Variants in WEE1 observed in about 807,000 individuals in gnomAD.
WEE1 encodes the protein wee1-like protein kinase.
WEE1 carries 16 observed loss-of-function variants against 68.8 expected under a neutral mutation model. The observed-to-expected ratio is 0.23, with a 90% CI of 0.16 to 0.35. WEE1 has a LOEUF of 0.35. Among genes scored for constraint, WEE1 ranks in the 10% least tolerant of loss-of-function variants. The pLI, the probability that WEE1 is intolerant of heterozygous loss-of-function variation, is 1.00. For synonymous variants in WEE1, 349 were observed against 318.7 expected, an observed-to-expected ratio of 1.09 and a Z score of -1.01; for missense variants, 651 against 824.1, an observed-to-expected ratio of 0.79 and a Z score of 2.57.
At position 9,575,991 on chromosome 11, in the gene WEE1, T is replaced by G; in HGVS notation, c.680T>G (p.Val227Gly). ...TEKSGKREFD[V>G]RQTPQVNINP... ...AAATCAGGAAAAAGGGAATTTGATG[T>G]GCGACAGACTCCTCAAGTGAATATT... is the stretch of plus-strand genomic sequence containing the variant. The change falls in exon 2 of 11, where the codon GTG becomes GGG. Residue 227 changes from valine (V) to glycine (G), a missense_variant. By Grantham distance (109) the Val-to-Gly change is moderately radical. Around this residue, in one of 5 missense-constraint regions of WEE1, gnomAD observed 395 missense variants for 378.4 expected, o/e 1.04. Transcript: ENST00000450114. 6.2e-7 allele frequency: 1 copy of G among 1,614,154 alleles called. No homozygotes were observed. Among genetic ancestry groups the G allele is most frequent in the Non-Finnish European group, 8.5e-7 (1 of 1,179,984 alleles).
In WEE1 at chr11:9,574,021, T is replaced by C; in HGVS notation, c.88T>C (p.Cys30Arg). The change falls in exon 1 of 11, where the codon TGC becomes CGC. Residue 30 changes from cysteine (C) to arginine (R), a missense_variant. Cys to Arg is a radical substitution (Grantham distance 180). Around this residue, in one of 5 missense-constraint regions of WEE1, gnomAD observed 395 missense variants for 378.4 expected, o/e 1.04. Coordinates refer to ENST00000450114, the MANE Select transcript of WEE1 (RefSeq NM_003390.4). This position sits in a 1 kb window ranked among gnomAD's most constrained non-coding sequence, Gnocchi z 4.9. ...GCGGCAGAAGCTGATCTTCTCGCCCTGCAGCGACTGTGAGGAGGAGGAAGA... is the reference window on the plus strand; with the variant it reads ...GCGGCAGAAGCTGATCTTCTCGCCCCGCAGCGACTGTGAGGAGGAGGAAGA... ...TLRQKLIFSP[C>R]SDCEEEEEEE... is the part of the protein sequence containing the mutation. 1 of 1,274,304 alleles carries C rather than the reference T, an allele frequency of 7.8e-7. No homozygotes were observed. The highest frequency in any genetic ancestry group is 9.9e-7 in the Non-Finnish European group (1 of 1,009,594). 78.9% of individuals were successfully genotyped at this position (1,274,304 alleles called of 1,614,324 possible). A position where few individuals can be genotyped will look rare whatever the true frequency, so the allele number is the denominator to read the frequency against.
Position 9,581,457 on chromosome 11 carries a change from G to C in WEE1, c.1142-75G>C, listed in dbSNP as rs1159589426. On this transcript the variant is annotated intron_variant, in intron 5 of 10. Coordinates refer to ENST00000450114, the MANE Select transcript of WEE1 (RefSeq NM_003390.4). ...TTCTTGGTTGAGATTGGTTGGTTGA[G>C]ACTCATTTGGTAAAGATGGAAGAAA... 2.1e-5 allele frequency: 29 copies of C among 1,413,650 alleles called. No homozygotes were observed. The East Asian group carries it at 6.8e-4, about 33-fold the overall frequency. 87.6% of individuals were successfully genotyped at this position (1,413,650 alleles called of 1,614,324 possible). A position where few individuals can be genotyped will look rare whatever the true frequency, so the allele number is the denominator to read the frequency against.
intron 10 of WEE1, 76 bp downstream of exon 10, chr11:9,586,932 A>T: frequency 1.4e-6 from 2 of 1,463,702 alleles, no homozygotes; most frequent in Non-Finnish European, 1.8e-6. Context: ...AGATGATTTA[A>T]GCTTTCTGTC....
At chr11:9,586,294 T>C (rs529034907) in intron 8 of WEE1, among the ~76,000 whole-genome samples, 155 bp from the exon 9 acceptor site, 1 of 152,236 alleles carries the variant, frequency 6.6e-6, no homozygotes. Flanking sequence ...CATCCTCAAA[T>C]TTAGCAGTTT....
At position 9,589,067 on chromosome 11, in the gene WEE1, T is replaced by A. The variant is rs2134361035; in HGVS notation, c.*465T>A. 1 of 985,844 alleles carries A rather than the reference T, an allele frequency of 1.0e-6. No homozygotes were observed. Among genetic ancestry groups the A allele is most frequent in the East Asian group, 1.1e-4 (1 of 8,810 alleles). The allele number at this position is 985,844 out of a possible 1,614,324, so 61.1% of individuals were successfully genotyped here. On this transcript the variant is annotated 3_prime_UTR_variant, in exon 11 of 11. Transcript: ENST00000450114. The stretch of plus-strand genomic sequence containing the variant: ...TTTTTTTAATTGTGAATTAGACTTG[T>A]ATATCCCACTGGGAGCACTTTGTAG...
chr11:9,586,594 CCCA>C lies in WEE1; in HGVS notation c.1617_1619del (p.Gln540del). 6.2e-7 allele frequency: 1 copy of C among 1,614,084 alleles called. No homozygotes were observed. The highest frequency in any genetic ancestry group is 8.5e-7 in the Non-Finnish European group (1 of 1,180,020). On this transcript the variant is annotated inframe_deletion, in exon 9 of 11. Coordinates refer to ENST00000450114, the MANE Select transcript of WEE1 (RefSeq NM_003390.4). ...TTACCTCGGATACCACAAGTGCTTT[CCCA>C]AGAATTTACAGAGTTGCTAAAAGTG... is the stretch of plus-strand genomic sequence containing the variant.
chr11:9,585,363 G>A lies in WEE1; in HGVS notation c.1384+10G>A, dbSNP rs760217387. On this transcript the variant is annotated intron_variant, in intron 7 of 10. Transcript: ENST00000450114. ...GTTATGTTTAAAATAGGTAAGAAAG[G>A]TAATCAGATTATTACCTTCAGATAA... is the stretch of plus-strand genomic sequence containing the variant. 22 of 1,612,542 alleles carry A rather than the reference G, an allele frequency of 1.4e-5. No individual in the cohort carries two copies. The highest frequency in any genetic ancestry group is 1.8e-5 in the Non-Finnish European group (21 of 1,179,044).
At chr11:9,578,075 T>G in intron 5 of WEE1, 1 of 347,910 alleles carries the variant, frequency 2.9e-6, no homozygotes, top group Non-Finnish European at 5.6e-6. Context: ...CATACTCAAG[T>G]GTGAAATGTG....
chr11:9,577,004 C>T lies in WEE1; in HGVS notation c.1020-138C>T, dbSNP rs963099365. 5.6e-6 allele frequency: 5 copies of T among 887,766 alleles called. No homozygotes were observed. In the African/African-American group the frequency reaches 6.9e-5, roughly 12 times the overall value. 55.0% of individuals were successfully genotyped at this position (887,766 alleles called of 1,614,324 possible). On this transcript the variant is annotated intron_variant, in intron 4 of 10. Coordinates refer to ENST00000450114, the MANE Select transcript of WEE1 (RefSeq NM_003390.4). ...GAAAAATCTCTTACAAGTCTAAACCCCTTCTCTCTTAAGCAAGTTGCTTTT... is the reference window on the plus strand; with the variant it reads ...GAAAAATCTCTTACAAGTCTAAACCTCTTCTCTCTTAAGCAAGTTGCTTTT...
rs970339281 is a variant in WEE1, at chr11:9,574,156, C to T, written c.223C>T (p.Arg75Cys). The change falls in exon 1 of 11, where the codon CGC becomes TGC. Residue 75 changes from arginine (R) to cysteine (C), a missense_variant. This residue lies in a region of WEE1 where 395 missense variants were observed against 378.4 expected (regional missense o/e 1.04). Coordinates refer to ENST00000450114, the MANE Select transcript of WEE1 (RefSeq NM_003390.4). This position sits in a 1 kb window ranked among gnomAD's most constrained non-coding sequence, Gnocchi z 4.9. ...GAGCCCCACGGAGCCCGGGCCCGAG[C>T]GCCGCCGCTCGCCCGGGCCGGCCCC... ...ARSPTEPGPE[R>C]RRSPGPAPGS... 5.9e-6 allele frequency: 7 copies of T among 1,187,922 alleles called. No homozygotes were observed. Among genetic ancestry groups the T allele is most frequent in the Non-Finnish European group, 7.3e-6 (7 of 960,768 alleles). 73.6% of individuals were successfully genotyped at this position (1,187,922 alleles called of 1,614,324 possible). A position where few individuals can be genotyped will look rare whatever the true frequency, so the allele number is the denominator to read the frequency against.
At chr11:9,583,802 C>CATAT (rs371859938) in intron 6 of WEE1, among the ~76,000 whole-genome samples, 85 of 17,576 alleles carry the variant, frequency 4.8e-3, no homozygotes, top group African/African-American at 5.8e-3. Context: ...CACACACACA[C>CATAT]ATATATATAT....
intron 10 of WEE1, among the ~76,000 whole-genome samples, chr11:9,587,798 A>G (rs1415861802): frequency 6.6e-6 from 1 of 152,148 alleles, no homozygotes; most frequent in Non-Finnish European, 1.5e-5. Context: ...GTTAACAATT[A>G]ATATTAACAT....
intron 6 of WEE1, among the ~76,000 whole-genome samples, chr11:9,583,253 C>T (rs1420976835): frequency 7.0e-6 from 1 of 143,820 alleles, no homozygotes; most frequent in Non-Finnish European, 1.5e-5. Flanking sequence ...GCGGAGGTTG[C>T]AGTGAGCCGA....
Position 9,574,369 on chromosome 11 carries a change from C to T in WEE1, c.436C>T (p.Pro146Ser). Residue 146 changes from proline to serine, a missense_variant, in exon 1 of 11, where the codon CCA (proline) becomes TCA (serine). Pro to Ser is a moderately conservative substitution (Grantham distance 74, BLOSUM62 -1). Transcript: ENST00000450114. This position sits in a 1 kb window ranked among gnomAD's most constrained non-coding sequence, Gnocchi z 4.9. ...SSFSPVRCGGPGDASPRGCGA... is the reference protein window; with the variant it reads ...SSFSPVRCGGSGDASPRGCGA... The stretch of plus-strand genomic sequence containing the variant: ...TTTCTCGCCGGTGCGCTGCGGCGGC[C>T]CAGGAGATGCGTCGCCGCGGGGTTG... 1.6e-6 allele frequency: 2 copies of T among 1,230,024 alleles called. No individual in the cohort carries two copies. 76.2% of individuals were successfully genotyped at this position (1,230,024 alleles called of 1,614,324 possible).
chr11:9,587,184 C>A (rs1022489609), intron 10 of WEE1, among the ~76,000 whole-genome samples: 4 of 152,194 alleles, frequency 2.6e-5, no homozygotes, highest in African/African-American at 9.7e-5. Flanking sequence ...TGGTCTTGAA[C>A]TCCTGGGCTC....
Position 9,588,595 on chromosome 11 carries a change from T to A in WEE1, c.1934T>A (p.Ile645Lys). ...KKMNRSVSLT[I>K]Y is the part of the protein sequence containing the mutation. Reference sequence around the variant, plus strand: ...ATGAACCGCTCTGTCAGCCTTACTATATACTGAGCTACTCCTTTCCCACCT... The same window carrying A: ...ATGAACCGCTCTGTCAGCCTTACTAAATACTGAGCTACTCCTTTCCCACCT... Residue 645 changes from isoleucine to lysine, a missense_variant, in exon 11 of 11, where the codon ATA becomes AAA. Ile to Lys is a moderately radical substitution (Grantham distance 102). This residue lies in a region of WEE1 where 115 missense variants were observed against 142.7 expected (regional missense o/e 0.81). Coordinates refer to ENST00000450114, the MANE Select transcript of WEE1 (RefSeq NM_003390.4). 6.3e-7 allele frequency: 1 copy of A among 1,583,742 alleles called. No individual in the cohort carries two copies. Among genetic ancestry groups the A allele is most frequent in the African/African-American group, 1.4e-5 (1 of 73,494 alleles).
At chr11:9,581,777 T>C in intron 6 of WEE1, 99 bp downstream of exon 6, 1 of 1,252,074 alleles carries the variant, frequency 8.0e-7, no homozygotes, top group African/African-American at 1.6e-5. Flanking sequence ...TTCTGTTTTC[T>C]CATTGTTAGT....
Position 9,588,909 on chromosome 11 carries a change from T to C in WEE1, c.*307T>C. 2 of 1,005,544 alleles carry C rather than the reference T, an allele frequency of 2.0e-6. No homozygotes were observed. The highest frequency in any genetic ancestry group is 2.4e-6 in the Non-Finnish European group (2 of 842,438). The allele number at this position is 1,005,544 out of a possible 1,614,324, so 62.3% of individuals were successfully genotyped here. A position where few individuals can be genotyped will look rare whatever the true frequency, so the allele number is the denominator to read the frequency against. ...TGTTGCATTGTAATAAAAGGTGTCT[T>C]TCCCTGTAGTGACCTGTAAAAAGTA... On this transcript the variant is annotated 3_prime_UTR_variant, in exon 11 of 11. Transcript: ENST00000450114.
chr11:9,580,458 C>CTTTTTTTTTTTTTTTT (rs374484716), intron 5 of WEE1: 6 of 126,920 alleles, frequency 4.7e-5, no homozygotes, highest in South Asian at 2.4e-4. Flanking sequence ...TTCTTTCTTT[C>CTTTTTTTTTTTTTTTT]TTTCTTTTTT....
Sources: allele counts gnomAD v4.1 joint callset (sites outside exome capture counted in the v4.1 genomes callset), GRCh38; gene constraint gnomAD v4.1.1; regional missense constraint gnomAD v4.1.1; non-coding constraint Gnocchi (gnomAD v3.1); transcripts MANE v1.5; gene names NCBI Gene and HGNC (gene_info 2026-07-23, HGNC 2026-07-21).